Variants in EIF2AK1 observed in about 807,000 individuals in gnomAD.
The protein encoded by EIF2AK1 is eukaryotic translation initiation factor 2 alpha kinase 1.
Under a neutral mutation model 77.9 loss-of-function variants are expected in EIF2AK1, and 54 were observed. The ratio of observed to expected loss-of-function variants is 0.69; its 90% confidence interval spans 0.56 to 0.87. EIF2AK1 has a LOEUF of 0.87. Ranked by LOEUF, EIF2AK1 falls within the 40% of genes least tolerant of loss-of-function variation. The pLI, the probability that EIF2AK1 is intolerant of heterozygous loss-of-function variation, is 0.00. For missense variants in EIF2AK1, 810 were observed against 768.6 expected (o/e 1.05, Z -0.64); for synonymous variants, 314 against 290.5 (o/e 1.08, Z -0.82).
intron 9 of EIF2AK1, 98 bp downstream of exon 9, chr7:6,040,794 G>T (rs1583487931): frequency 2.0e-6 from 2 of 1,025,530 alleles, no homozygotes; most frequent in African/African-American, 1.6e-5. Context: ...CTGAACGCAG[G>T]GCAGAAGCGC....
In EIF2AK1 at chr7:6,023,158, G is replaced by C; in HGVS notation, c.*1515C>G. The C allele has an allele frequency of 2.1e-6, 2 of 955,426 alleles. No homozygotes were observed. The highest frequency in any genetic ancestry group is 3.6e-5 in the South Asian group (2 of 56,262). The allele number at this position is 955,426 out of a possible 1,614,324, so 59.2% of individuals were successfully genotyped here. On this transcript the variant is annotated 3_prime_UTR_variant, in exon 15 of 15. Transcript: ENST00000199389. ...TTCAGTAGTAAGCATCTTAGAGACA[G>C]ACTGAAAATGTGATGTTCTTCTTGA...
In EIF2AK1 at chr7:6,055,716, C is replaced by G. The variant is rs1050193351; in HGVS notation, c.119-1012G>C. Among the ~76,000 whole-genome samples, 4 of 150,664 alleles carry G rather than the reference C, an allele frequency of 2.7e-5. No individual in the cohort carries two copies. In the Admixed American group the frequency reaches 2.7e-4, roughly 10 times the overall value. On this transcript the variant is annotated intron_variant, in intron 1 of 14. Coordinates refer to ENST00000199389, the MANE Select transcript of EIF2AK1 (RefSeq NM_014413.4). ...AAAAACCTAGCTGGGCACAGTGGCT[C>G]ATGCCTGTAATCCCAGCACTTTGAG...
chr7:6,053,538 T>C (rs1583499718), intron 2 of EIF2AK1, among the ~76,000 whole-genome samples: 1 of 152,068 alleles, frequency 6.6e-6, no homozygotes, highest in Non-Finnish European at 1.5e-5. Flanking sequence ...CTAATTTTTG[T>C]ATTTTTAGTA....
chr7:6,041,497 C>T (rs1208834240), intron 8 of EIF2AK1, among the ~76,000 whole-genome samples: 2 of 151,452 alleles, frequency 1.3e-5, no homozygotes, highest in Non-Finnish European at 2.9e-5. Flanking sequence ...TGAGATCATG[C>T]CACTGTACTC....
rs532345337 is a variant in EIF2AK1, at chr7:6,028,648, G to A, written c.1497C>T (p.Pro499=). ...SRVGTCLYAS[P]EQLEGSEYDA... is the part of the protein sequence containing the mutation. The stretch of plus-strand genomic sequence containing the variant: ...CATACTCAGATCCTTCCAACTGTTC[G>A]GGTGAAGCGTACAGACAAGTACCCA... Residue 499 remains proline, a synonymous_variant, in exon 13 of 15, where the codon CCC becomes CCT. Coordinates refer to ENST00000199389, the MANE Select transcript of EIF2AK1 (RefSeq NM_014413.4). 73 of 1,614,158 alleles carry A rather than the reference G, an allele frequency of 4.5e-5. No individual in the cohort carries two copies. The highest frequency in any genetic ancestry group is 2.9e-4 in the South Asian group (26 of 91,074).
chr7:6,031,464 C>G (rs181802492), intron 11 of EIF2AK1: 17 of 1,550,584 alleles, frequency 1.1e-5, no homozygotes, highest in Admixed American at 2.0e-5. Flanking sequence ...GCACTTCACT[C>G]GAAACTCTAT....
At chr7:6,040,801 G>T in intron 9 of EIF2AK1, 91 bp downstream of exon 9, 1 of 1,080,426 alleles carries the variant, frequency 9.3e-7, no homozygotes, top group Non-Finnish European at 1.4e-6. Flanking sequence ...CAGGGCAGAA[G>T]CGCCAGAGCT....
At chr7:6,053,729 G>A (rs1244326975) in intron 2 of EIF2AK1, among the ~76,000 whole-genome samples, 5 of 144,386 alleles carry the variant, frequency 3.5e-5, no homozygotes, top group Non-Finnish European at 7.5e-5. Flanking sequence ...GTGCAGTGGC[G>A]TGATCTCGGC....
At chr7:6,026,075 C>A (rs562134329) in intron 14 of EIF2AK1, among the ~76,000 whole-genome samples, 1 of 152,176 alleles carries the variant, frequency 6.6e-6, no homozygotes, top group Admixed American at 6.5e-5. Flanking sequence ...TGCCTCTCCC[C>A]GGTGGTCCAA....
chr7:6,049,767 A>G, intron 3 of EIF2AK1, 145 bp downstream of exon 3: 1 of 743,502 alleles, frequency 1.3e-6, no homozygotes, highest in Non-Finnish European at 2.1e-6. Context: ...GGATTAAGGC[A>G]TGAGCCACAC....
In EIF2AK1 at chr7:6,027,075, G is replaced by A. The variant is rs559113512; in HGVS notation, c.1531-114C>T. ...AGGGTTTCTAAGAATGAGGATATAC[G>A]GTCACCCACAAGGAAGGGAACAGAG... On this transcript the variant is annotated intron_variant, in intron 13 of 14. Transcript: ENST00000199389. The surrounding 1 kb of genome is among the most constrained non-coding windows in gnomAD (Gnocchi z 4.5). The A allele has an allele frequency of 6.8e-5, 57 of 840,294 alleles. No homozygotes were observed. In the African/African-American group the frequency reaches 8.1e-4, roughly 12 times the overall value. The allele number at this position is 840,294 out of a possible 1,614,324, so 52.1% of individuals were successfully genotyped here.
Position 6,023,957 on chromosome 7 carries a change from A to T in EIF2AK1, c.*716T>A, listed in dbSNP as rs1341300741. The stretch of plus-strand genomic sequence containing the variant: ...TTCATCAGATCGCTGCCTCTGAGGG[A>T]TGTACAGATTGGCTGGGGAGCTGAG... On this transcript the variant is annotated 3_prime_UTR_variant, in exon 15 of 15. Transcript: ENST00000199389. The T allele has an allele frequency of 5.0e-6, 7 of 1,406,006 alleles. No individual in the cohort carries two copies. Among genetic ancestry groups the T allele is most frequent in the Non-Finnish European group, 6.6e-6 (7 of 1,065,562 alleles). The allele number at this position is 1,406,006 out of a possible 1,614,324, so 87.1% of individuals were successfully genotyped here.
At chr7:6,056,292 C>CAAAA (rs71008352) in intron 1 of EIF2AK1, among the ~76,000 whole-genome samples, 13 of 55,800 alleles carry the variant, frequency 2.3e-4, no homozygotes, top group Non-Finnish European at 3.3e-4. Flanking sequence ...GACTCAGTCT[C>CAAAA]AAAAAAAAAA....
At position 6,028,913 on chromosome 7, in the gene EIF2AK1, C is replaced by G; in HGVS notation, c.1447+5G>C. 2 of 1,595,280 alleles carry G rather than the reference C, an allele frequency of 1.3e-6. No individual in the cohort carries two copies. Among genetic ancestry groups the G allele is most frequent in the Non-Finnish European group, 1.7e-6 (2 of 1,174,914 alleles). On this transcript the variant is annotated splice_donor_5th_base_variant and intron_variant, in intron 12 of 14. Coordinates refer to ENST00000199389, the MANE Select transcript of EIF2AK1 (RefSeq NM_014413.4). ...AAAGAAAACAAAACAAAACCAAAAA[C>G]TTACTCTTCCCGTTTCTGTTGGTCC... is the stretch of plus-strand genomic sequence containing the variant.
chr7:6,023,744 T>C lies in EIF2AK1; in HGVS notation c.*929A>G. The C allele has an allele frequency of 5.6e-6, 9 of 1,613,482 alleles. No individual in the cohort carries two copies. The highest frequency in any genetic ancestry group is 6.8e-6 in the Non-Finnish European group (8 of 1,179,720). ...AGATTTTAAGAATGGTGCTCTTTCATGCCTATTATCAGTAAGGGGACTTGT... is the reference window on the plus strand; with the variant it reads ...AGATTTTAAGAATGGTGCTCTTTCACGCCTATTATCAGTAAGGGGACTTGT... On this transcript the variant is annotated 3_prime_UTR_variant, in exon 15 of 15. Transcript: ENST00000199389.
Position 6,023,634 on chromosome 7 carries a change from G to A in EIF2AK1, c.*1039C>T, listed in dbSNP as rs1787630892. On this transcript the variant is annotated 3_prime_UTR_variant, in exon 15 of 15. Transcript: ENST00000199389. ...CAGTGCCAGCCAATGTGCAGAGGTG[G>A]ATGAGGTCTTGTGAAAACCTGGCTC... 2 of 1,614,172 alleles carry A rather than the reference G, an allele frequency of 1.2e-6. No homozygotes were observed. Among genetic ancestry groups the A allele is most frequent in the Non-Finnish European group, 1.7e-6 (2 of 1,180,028 alleles).
At chr7:6,046,184 T>C in intron 5 of EIF2AK1, 33 bp from the exon 6 acceptor site, 1 of 1,277,680 alleles carries the variant, frequency 7.8e-7, no homozygotes, top group South Asian at 1.4e-5. Context: ...AAGTATATTG[T>C]GTCATTAAAC....
chr7:6,055,703 G>A (rs906799592), intron 1 of EIF2AK1, among the ~76,000 whole-genome samples: 13 of 151,266 alleles, frequency 8.6e-5, no homozygotes, highest in African/African-American at 3.2e-4. Flanking sequence ...AAACCTAGCT[G>A]GGCACAGTGG....
chr7:6,040,876 T>A lies in EIF2AK1; in HGVS notation c.1119+16A>T. 1 of 1,609,018 alleles carries A rather than the reference T, an allele frequency of 6.2e-7. No homozygotes were observed. The highest frequency in any genetic ancestry group is 1.3e-5 in the African/African-American group (1 of 74,906). On this transcript the variant is annotated intron_variant, in intron 9 of 14. Transcript: ENST00000199389. ...CAATACTGGCCAAATTAGGAGGGTCTGGGAAAGTAATCTACCTCTGTCTGA... is the reference window on the plus strand; with the variant it reads ...CAATACTGGCCAAATTAGGAGGGTCAGGGAAAGTAATCTACCTCTGTCTGA...
Sources: gnomAD v4.1 joint callset for allele counts (sites outside exome capture counted in the v4.1 genomes callset) on GRCh38, gnomAD v4.1.1 for gene constraint, Gnocchi (gnomAD v3.1) non-coding constraint, MANE v1.5 for transcripts, NCBI Gene and HGNC (gene_info 2026-07-23, HGNC 2026-07-21) for gene names.